AGBL4: variants seen among roughly 807,000 people sequenced by gnomAD.
AGBL4 encodes the protein AGBL carboxypeptidase 4, also known as cytosolic carboxypeptidase 6.
Under a neutral mutation model 66.4 loss-of-function variants are expected in AGBL4, and 58 were observed. The ratio of observed to expected loss-of-function variants is 0.87; its 90% CI spans 0.71 to 1.09. AGBL4 has a LOEUF of 1.09. Among genes scored for constraint, AGBL4 ranks in the 50% least tolerant of loss-of-function variants. AGBL4 has a pLI of 0.00. For synonymous variants in AGBL4, 234 were observed against 222.9 expected (o/e 1.05, Z -0.44); for missense variants, 579 against 631.0 (o/e 0.92, Z 0.88).
At chr1:49,715,052 G>A (rs1270550347) in intron 2 of AGBL4, among the ~76,000 whole-genome samples, 1 of 152,032 alleles carries the variant, frequency 6.6e-6, no homozygotes, top group Non-Finnish European at 1.5e-5. Flanking sequence ...ATGCCATAGT[G>A]GTTTGCCGCA....
chr1:48,993,362 C>T (rs1480100711), intron 5 of AGBL4, among the ~76,000 whole-genome samples: 4 of 152,182 alleles, frequency 2.6e-5, no homozygotes, highest in Non-Finnish European at 5.9e-5. Flanking sequence ...ATCCAAGTTG[C>T]AAGACAAAGT....
intron 5 of AGBL4, chr1:49,025,624 T>C (rs1663602342): frequency 6.6e-6 from 1 of 152,068 alleles, no homozygotes. Context: ...CAAGTGAAAA[T>C]GTGGCTTCAG....
intron 3 of AGBL4, among the ~76,000 whole-genome samples, chr1:49,313,861 CTTTAG>C (rs1378200027): frequency 1.3e-5 from 2 of 152,282 alleles, no homozygotes; most frequent in Middle Eastern, 3.4e-3. Flanking sequence ...GGCAGAAGCT[CTTTAG>C]TTTAATTAGA....
chr1:49,923,136 C>A (rs1652430542), intron 1 of AGBL4, among the ~76,000 whole-genome samples: 1 of 152,050 alleles, frequency 6.6e-6, no homozygotes, highest in African/African-American at 2.4e-5. Context: ...TCCAATGGAA[C>A]AAAATAGAAA....
intron 1 of AGBL4, among the ~76,000 whole-genome samples, chr1:49,864,207 C>A (rs1057497796): frequency 5.9e-5 from 9 of 151,816 alleles, no homozygotes; most frequent in Non-Finnish European, 1.0e-4. Context: ...ATCTAAAAAT[C>A]AAAACAATTG....
In AGBL4 at chr1:49,522,936, G is replaced by A. The variant is rs183999179; in HGVS notation, c.282+174377C>T. ...TGCTTGCCCTCTGCTCAGCAAAGGTGTACCTGCCCCTTGGAAATGTTCAAT... is the reference window on the plus strand; with the variant it reads ...TGCTTGCCCTCTGCTCAGCAAAGGTATACCTGCCCCTTGGAAATGTTCAAT... On this transcript the variant is annotated intron_variant, in intron 3 of 13. Transcript: ENST00000371839. Among the ~76,000 whole-genome samples the A allele has an allele frequency of 1.3e-4, 20 of 152,174 alleles. No homozygotes were observed. In the East Asian group the frequency reaches 3.1e-3, roughly 24 times the overall value.
intron 3 of AGBL4, among the ~76,000 whole-genome samples, chr1:49,546,725 T>C (rs931204496): frequency 1.3e-5 from 2 of 152,310 alleles, no homozygotes; most frequent in African/African-American, 4.8e-5. Context: ...TGGTATCGCA[T>C]TGTGGTTTTG....
chr1:49,862,986 C>T (rs552717748), intron 1 of AGBL4, among the ~76,000 whole-genome samples: 1 of 152,138 alleles, frequency 6.6e-6, no homozygotes, highest in East Asian at 1.9e-4. Flanking sequence ...ATAGTAAGTA[C>T]ACAGAAAAAC....
At chr1:49,909,639 T>C (rs1214925387) in intron 1 of AGBL4, among the ~76,000 whole-genome samples, 1 of 152,124 alleles carries the variant, frequency 6.6e-6, no homozygotes, top group Non-Finnish European at 1.5e-5. Flanking sequence ...ACTTAGGTTT[T>C]TAGTCTAAAG....
At chr1:49,737,393 C>T (rs1286144964) in intron 2 of AGBL4, among the ~76,000 whole-genome samples, 3 of 152,126 alleles carry the variant, frequency 2.0e-5, no homozygotes, top group Non-Finnish European at 4.4e-5. Flanking sequence ...AACATGGATG[C>T]AGCTGGAGGC....
chr1:49,559,064 G>T (rs764381824), intron 3 of AGBL4, among the ~76,000 whole-genome samples: 1 of 152,112 alleles, frequency 6.6e-6, no homozygotes, highest in African/African-American at 2.4e-5. Flanking sequence ...CACATGCCAC[G>T]TATAGAGCCC....
intron 3 of AGBL4, among the ~76,000 whole-genome samples, chr1:49,540,679 C>T (rs1021316239): frequency 6.6e-6 from 1 of 152,142 alleles, no homozygotes; most frequent in Admixed American, 6.5e-5. Flanking sequence ...TTTCTACTAA[C>T]TTCTATATCC....
chr1:49,535,841 G>A (rs1453318752), intron 3 of AGBL4, among the ~76,000 whole-genome samples: 2 of 152,032 alleles, frequency 1.3e-5, no homozygotes, highest in Non-Finnish European at 2.9e-5. Flanking sequence ...ACAGGTGCCT[G>A]CCACCACACC....
At chr1:48,957,207 C>T (rs1184113689) in intron 5 of AGBL4, among the ~76,000 whole-genome samples, 1 of 152,150 alleles carries the variant, frequency 6.6e-6, no homozygotes, top group Non-Finnish European at 1.5e-5. Context: ...AACATCCACA[C>T]TTTCAAACTG....
At chr1:49,015,787 A>T (rs1293471462) in intron 5 of AGBL4, among the ~76,000 whole-genome samples, 1 of 152,098 alleles carries the variant, frequency 6.6e-6, no homozygotes, top group Non-Finnish European at 1.5e-5. Flanking sequence ...TGTACCACTT[A>T]CATAATTTTA....
intron 3 of AGBL4, among the ~76,000 whole-genome samples, chr1:49,263,424 T>A (rs983533681): frequency 6.6e-6 from 1 of 151,892 alleles, no homozygotes; most frequent in African/African-American, 2.4e-5. Flanking sequence ...TAAAGAACTA[T>A]TATAAATCAA....
intron 4 of AGBL4, among the ~76,000 whole-genome samples, chr1:49,230,542 C>T (rs1650233208): frequency 1.3e-5 from 2 of 152,156 alleles, no homozygotes; most frequent in African/African-American, 2.4e-5. Flanking sequence ...GGAAAACTCA[C>T]CCTCTGCCTA....
intron 5 of AGBL4, among the ~76,000 whole-genome samples, chr1:48,941,334 G>A (rs1655957447): frequency 6.6e-6 from 1 of 152,194 alleles, no homozygotes; most frequent in Non-Finnish European, 1.5e-5. Flanking sequence ...GTGGGAAGAA[G>A]TGTTCTCTAG....
At chr1:49,194,844 T>G (rs1647195863) in intron 4 of AGBL4, among the ~76,000 whole-genome samples, 1 of 151,588 alleles carries the variant, frequency 6.6e-6, no homozygotes, top group South Asian at 2.1e-4. Flanking sequence ...TTGATCTGTT[T>G]TTTTTTTTTT....
Sources: gnomAD v4.1 joint callset for allele counts (sites outside exome capture counted in the v4.1 genomes callset) on GRCh38, gnomAD v4.1.1 for gene constraint, MANE v1.5 for transcripts, NCBI Gene and HGNC (gene_info 2026-07-23, HGNC 2026-07-21) for gene names.